PLAG1: variants seen among roughly 807,000 people sequenced by gnomAD.
The protein encoded by PLAG1 is zinc finger protein PLAG1.
Under a neutral mutation model 35.5 loss-of-function variants are expected in PLAG1, and 7 were observed. The observed-to-expected ratio is 0.20, with a 90% CI of 0.11 to 0.37. The LOEUF is 0.37. PLAG1 is among the 10% of genes least tolerant of loss of function. PLAG1 has a pLI of 1.00. For missense variants in PLAG1, 454 were observed against 602.8 expected (o/e 0.75, Z 2.58); for synonymous variants, 229 against 225.4 (o/e 1.02, Z -0.14).
Position 56,162,783 on chromosome 8 carries a change from G to A in PLAG1, c.*3460C>T, listed in dbSNP as rs1348376505. The A allele has an allele frequency of 4.7e-6, 1 of 212,366 alleles. No homozygotes were observed. The highest frequency in any genetic ancestry group is 9.6e-6 in the Non-Finnish European group (1 of 104,706). 13.2% of individuals were successfully genotyped at this position (212,366 alleles called of 1,614,324 possible). ...GCAATCGGCTCTGGCTCATGTTTCA[G>A]TCAGTATATGGTTTTTAAAAACCGC... is the stretch of plus-strand genomic sequence containing the variant. On this transcript the variant is annotated 3_prime_UTR_variant, in exon 5 of 5. Transcript: ENST00000316981.
intron 1 of PLAG1, among the ~76,000 whole-genome samples, chr8:56,195,595 C>T (rs539256323): frequency 3.3e-5 from 5 of 152,272 alleles, no homozygotes; most frequent in South Asian, 2.1e-4. Context: ...AGAAAGCCAG[C>T]GTCCAGGGCT....
chr8:56,179,172 T>G (rs1235498834), intron 2 of PLAG1, among the ~76,000 whole-genome samples: 1 of 152,064 alleles, frequency 6.6e-6, no homozygotes, highest in Non-Finnish European at 1.5e-5. Context: ...CAGCTATGTG[T>G]TTTGTGCAAA....
At chr8:56,176,159 C>T (rs927983245) in intron 2 of PLAG1, among the ~76,000 whole-genome samples, 3 of 151,404 alleles carry the variant, frequency 2.0e-5, no homozygotes, top group Admixed American at 6.6e-5. Flanking sequence ...AAGCGATTCT[C>T]ATGCCTCAGC....
At chr8:56,205,934 C>A (rs997667580) in intron 1 of PLAG1, among the ~76,000 whole-genome samples, 1 of 151,924 alleles carries the variant, frequency 6.6e-6, no homozygotes, top group Non-Finnish European at 1.5e-5. Flanking sequence ...AGTTTTAATA[C>A]CATGATCCTG....
chr8:56,198,528 A>C (rs577910534), intron 1 of PLAG1, among the ~76,000 whole-genome samples: 40 of 152,336 alleles, frequency 2.6e-4, no homozygotes, highest in African/African-American at 8.7e-4. Flanking sequence ...TACTGCACTC[A>C]GGGCCAGCGG....
At chr8:56,203,940 A>G (rs1488740635) in intron 1 of PLAG1, among the ~76,000 whole-genome samples, 1 of 152,024 alleles carries the variant, frequency 6.6e-6, no homozygotes, top group East Asian at 1.9e-4. Context: ...GGTGCAAGGA[A>G]AACAAATTCA....
intron 2 of PLAG1, among the ~76,000 whole-genome samples, chr8:56,175,211 G>C (rs1481271245): frequency 6.6e-6 from 1 of 152,134 alleles, no homozygotes; most frequent in Non-Finnish European, 1.5e-5. Flanking sequence ...CAGAAAACAA[G>C]CATTCTCTAA....
intron 1 of PLAG1, among the ~76,000 whole-genome samples, chr8:56,181,658 C>T (rs906977464): frequency 6.6e-6 from 1 of 152,050 alleles, no homozygotes; most frequent in Non-Finnish European, 1.5e-5. Flanking sequence ...CACCATAGCA[C>T]GTGTATACCT....
chr8:56,196,987 T>C (rs117946837), intron 1 of PLAG1, among the ~76,000 whole-genome samples: 1,837 of 149,498 alleles, frequency 0.012, 26 homozygotes, highest in Middle Eastern at 0.021. Flanking sequence ...TGTGTGTGTG[T>C]GCTCCTCTCT....
rs1451317964 is a variant in PLAG1, at chr8:56,164,180, T to C, written c.*2063A>G. ...GAACACACTTTTTTAATAAATGTAA[T>C]TTTTCATAATAAAATTTAAATACAT... On this transcript the variant is annotated 3_prime_UTR_variant, in exon 5 of 5. Coordinates refer to ENST00000316981, the MANE Select transcript of PLAG1 (RefSeq NM_002655.3). 1 of 189,530 alleles carries C rather than the reference T, an allele frequency of 5.3e-6. No homozygotes were observed. The highest frequency in any genetic ancestry group is 1.1e-5 in the Non-Finnish European group (1 of 90,006). 11.7% of individuals were successfully genotyped at this position (189,530 alleles called of 1,614,324 possible). A position where few individuals can be genotyped will look rare whatever the true frequency, so the allele number is the denominator to read the frequency against.
chr8:56,166,760 T>C lies in PLAG1; in HGVS notation c.986A>G (p.His329Arg). ...ACTGAACGGATATTTGAAAGAAAGG[T>C]GGTGAGAGGGATGAACAGTGTCCAT... is the stretch of plus-strand genomic sequence containing the variant. The part of the protein sequence containing the change: ...IDMDTVHPSH[H>R]LSFKYPFSST... Residue 329 changes from histidine to arginine, a missense_variant, in exon 5 of 5, where the codon CAC becomes CGC. His to Arg is a conservative substitution (Grantham distance 29). Coordinates refer to ENST00000316981, the MANE Select transcript of PLAG1 (RefSeq NM_002655.3). 8 of 1,613,766 alleles carry C rather than the reference T, an allele frequency of 5.0e-6. No homozygotes were observed. The highest frequency in any genetic ancestry group is 6.8e-6 in the Non-Finnish European group (8 of 1,179,930).
chr8:56,165,719 TAACA>T lies in PLAG1; in HGVS notation c.*520_*523del, dbSNP rs374933271. 2.2e-3 allele frequency: 441 copies of T among 196,306 alleles called. 3 individuals are homozygous for T. Among genetic ancestry groups the T allele is most frequent in the African/African-American group, 9.6e-3 (415 of 43,380 alleles). 12.2% of individuals were successfully genotyped at this position (196,306 alleles called of 1,614,324 possible). ...TACTGATCTGAAATTATGGTGTATC[TAACA>T]AACATTTATTATCTTCCGAAACTGG... On this transcript the variant is annotated 3_prime_UTR_variant, in exon 5 of 5. Coordinates refer to ENST00000316981, the MANE Select transcript of PLAG1 (RefSeq NM_002655.3).
At chr8:56,206,903 T>A (rs1285484459) in intron 1 of PLAG1, among the ~76,000 whole-genome samples, 2 of 151,990 alleles carry the variant, frequency 1.3e-5, no homozygotes, top group Non-Finnish European at 2.9e-5. Flanking sequence ...TTGAACAGAT[T>A]CAGTTTCCTC....
intron 1 of PLAG1, among the ~76,000 whole-genome samples, chr8:56,181,926 CAAAG>C (rs1237588482): frequency 2.6e-5 from 4 of 152,078 alleles, no homozygotes; most frequent in Admixed American, 2.6e-4. Context: ...TTAAGAAAGA[CAAAG>C]AAAAAAGTGT....
At chr8:56,184,768 T>A (rs1020165938) in intron 1 of PLAG1, among the ~76,000 whole-genome samples, 1 of 152,056 alleles carries the variant, frequency 6.6e-6, no homozygotes, top group Admixed American at 6.6e-5. Flanking sequence ...AATACAAAAA[T>A]TAGCCGGTTG....
chr8:56,200,032 C>A (rs1812504777), intron 1 of PLAG1, among the ~76,000 whole-genome samples: 1 of 152,138 alleles, frequency 6.6e-6, no homozygotes, highest in Admixed American at 6.5e-5. Flanking sequence ...GCCTCCTGGC[C>A]TGTCTCCCTT....
rs182391790 is a variant in PLAG1 at position 56,181,468 on chromosome 8, C to T, written c.-321-1955G>A. Among the ~76,000 whole-genome samples the T allele has an allele frequency of 5.4e-4, 82 of 151,756 alleles. No individual in the cohort carries two copies. In the East Asian group the frequency reaches 0.014, roughly 25 times the overall value. ...CATTCTCAGCAAACTACCACAAGAA[C>T]GGAAAACCAAATACTACATGTTCTC... On this transcript the variant is annotated intron_variant, in intron 1 of 4. Coordinates refer to ENST00000316981, the MANE Select transcript of PLAG1 (RefSeq NM_002655.3).
rs1045924472 is a variant in PLAG1 at position 56,167,411 on chromosome 8, T to C, written c.335A>G (p.His112Arg). Reference sequence around the variant, plus strand: ...CGTCTCTTTGTTAGGGTCGTGTGTATGGAGGTGATTCTTCAGATGATCTTT... The same window carrying C: ...CGTCTCTTTGTTAGGGTCGTGTGTACGGAGGTGATTCTTCAGATGATCTTT... ...HRKDHLKNHLHTHDPNKETFK... is the reference protein window; with the variant it reads ...HRKDHLKNHLRTHDPNKETFK... The change falls in exon 5 of 5, where the codon CAT (histidine) becomes CGT (arginine). Residue 112 changes from histidine to arginine, a missense_variant. Transcript: ENST00000316981. The surrounding 1 kb of genome is among the most constrained non-coding windows in gnomAD (Gnocchi z 5.9). The C allele has an allele frequency of 1.9e-6, 3 of 1,613,388 alleles. No individual in the cohort carries two copies. Among genetic ancestry groups the C allele is most frequent in the Admixed American group, 1.7e-5 (1 of 59,948 alleles).
chr8:56,174,329 C>T (rs1008097095), intron 2 of PLAG1, among the ~76,000 whole-genome samples: 7 of 152,166 alleles, frequency 4.6e-5, no homozygotes, highest in Non-Finnish European at 8.8e-5. Context: ...GATAACCCAA[C>T]TGAAGGCAGT....
Sources: allele counts gnomAD v4.1 joint callset (sites outside exome capture counted in the v4.1 genomes callset), GRCh38; gene constraint gnomAD v4.1.1; non-coding constraint Gnocchi (gnomAD v3.1); transcripts MANE v1.5; gene names NCBI Gene and HGNC (gene_info 2026-07-23, HGNC 2026-07-21).